Variants in ADGRL1 observed in about 807,000 individuals in gnomAD.
ADGRL1 encodes the protein CIRL-1.
Under a neutral mutation model 148.9 loss-of-function variants are expected in ADGRL1, and 31 were observed. The ratio of observed to expected loss-of-function variants is 0.21; its 90% confidence interval spans 0.16 to 0.28. The LOEUF (loss-of-function observed/expected upper bound fraction) is 0.28, where lower values mean the gene tolerates loss of function less well. ADGRL1 is among the 10% of genes least tolerant of loss of function. The pLI, the probability that ADGRL1 is intolerant of heterozygous loss-of-function variation, is 1.00. For missense variants in ADGRL1, 1,521 were observed against 2,058.8 expected (o/e 0.74, Z 5.05); for synonymous variants, 937 against 900.3 (o/e 1.04, Z -0.73).
chr19:14,150,963 A>C lies in ADGRL1; in HGVS notation c.4320T>G (p.Arg1440=). 1 of 1,602,206 alleles carries C rather than the reference A, an allele frequency of 6.2e-7. No homozygotes were observed. The highest frequency in any genetic ancestry group is 8.5e-7 in the Non-Finnish European group (1 of 1,175,318). Residue 1440 remains arginine (R), a synonymous_variant, in exon 23 of 23, where the codon CGT becomes CGG. Coordinates refer to ENST00000361434, the MANE Select transcript of ADGRL1 (RefSeq NM_014921.5). Reference sequence around the variant, plus strand: ...CTGCCAGGTAGCCCTCGTGGCTAGGACGCCGCACCTGGTAGTAGCCCTGCA... The same window carrying C: ...CTGCCAGGTAGCCCTCGTGGCTAGGCCGCCGCACCTGGTAGTAGCCCTGCA... The part of the protein sequence containing the change: ...NPLQGYYQVR[R]PSHEGYLAAP...
At chr19:14,201,526 C>A (rs1436299053) in intron 1 of ADGRL1, among the ~76,000 whole-genome samples, 1 of 151,872 alleles carries the variant, frequency 6.6e-6, no homozygotes, top group Non-Finnish European at 1.5e-5. Flanking sequence ...AAGCCATCCT[C>A]CCACCTCAGC....
intron 1 of ADGRL1, among the ~76,000 whole-genome samples, chr19:14,204,994 G>A (rs529282941): frequency 7.2e-5 from 11 of 152,100 alleles, no homozygotes; most frequent in Non-Finnish European, 1.6e-4. Context: ...GGTACAGTGA[G>A]GTGTTGGCCA....
At chr19:14,200,162 T>C (rs899232538) in intron 1 of ADGRL1, among the ~76,000 whole-genome samples, 3 of 152,228 alleles carry the variant, frequency 2.0e-5, no homozygotes, top group African/African-American at 7.2e-5. Flanking sequence ...AAGAGCATCC[T>C]GGGCAGGGTC....
At chr19:14,182,360 T>A (rs1205107290) in intron 2 of ADGRL1, among the ~76,000 whole-genome samples, 1 of 151,950 alleles carries the variant, frequency 6.6e-6, no homozygotes, top group Admixed American at 6.5e-5. Context: ...CCCTGCGGGG[T>A]GCTGGAGGGC....
At position 14,159,619 on chromosome 19, in the gene ADGRL1, C is replaced by A; in HGVS notation, c.1840-35G>T. 2 of 1,594,242 alleles carry A rather than the reference C, an allele frequency of 1.3e-6. No homozygotes were observed. Among genetic ancestry groups the A allele is most frequent in the African/African-American group, 1.3e-5 (1 of 74,710 alleles). ...CAGAGGGCATGGTGCTGTGAGCCCC[C>A]CAACACCCTCTAATTCCTGGGGGTG... On this transcript the variant is annotated intron_variant, in intron 9 of 22. Transcript: ENST00000361434. The surrounding 1 kb of genome is among the most constrained non-coding windows in gnomAD (Gnocchi z 6.0).
chr19:14,170,932 T>C (rs1970418654), intron 3 of ADGRL1, 141 bp from the exon 4 acceptor site: 2 of 601,562 alleles, frequency 3.3e-6, no homozygotes, highest in Non-Finnish European at 3.0e-6. Context: ...GTGATATAGT[T>C]TGGATCTGTG....
At chr19:14,180,962 G>A (rs1458226566) in intron 2 of ADGRL1, among the ~76,000 whole-genome samples, 1 of 151,906 alleles carries the variant, frequency 6.6e-6, no homozygotes, top group African/African-American at 2.4e-5. Context: ...GCAGGAGAAT[G>A]GTGTGAACCT....
chr19:14,184,461 CT>C, intron 1 of ADGRL1, among the ~76,000 whole-genome samples: 1 of 151,378 alleles, frequency 6.6e-6, no homozygotes, highest in Non-Finnish European at 1.5e-5. Flanking sequence ...GAAACCAGGT[CT>C]CACTCTGTTG....
chr19:14,166,796 A>G (rs1488097661), intron 4 of ADGRL1, among the ~76,000 whole-genome samples: 2 of 152,156 alleles, frequency 1.3e-5, no homozygotes, highest in African/African-American at 4.8e-5. Context: ...ATCCTGCCCA[A>G]GCTCAGAGAG....
intron 4 of ADGRL1, among the ~76,000 whole-genome samples, chr19:14,167,999 C>A (rs540303308): frequency 1.3e-5 from 2 of 152,164 alleles, no homozygotes; most frequent in Admixed American, 1.3e-4. Flanking sequence ...CAGCATTAGT[C>A]GGGCTTGTCC....
In ADGRL1 at chr19:14,156,201, C is replaced by CCTGGGGGCGGGACAAGGGGCAGG; in HGVS notation, c.3034-23_3034-1dup (p.Val1012ProfsTer16). 6.2e-7 allele frequency: 1 copy of CCTGGGGGCGGGACAAGGGGCAGG among 1,611,296 alleles called. No homozygotes were observed. The highest frequency in any genetic ancestry group is 1.1e-5 in the South Asian group (1 of 90,242). ...GTCACCATGAGGAACACCAGGTTGA[C>CCTGGGGGCGGGACAAGGGGCAGG]CTGGGGGCGGGACAAGGGGCAGGCT... is the stretch of plus-strand genomic sequence containing the variant. On this transcript the variant is annotated frameshift_variant and splice_region_variant. Transcript: ENST00000361434. LOFTEE classifies it high-confidence loss of function.
rs146849618 is a variant in ADGRL1 at position 14,174,325 on chromosome 19, G to C, written c.284+3206C>G. Among the ~76,000 whole-genome samples the C allele has an allele frequency of 6.7e-3, 1,016 of 152,286 alleles. 18 individuals carry two copies. Among genetic ancestry groups the C allele is most frequent in the African/African-American group, 0.024 (977 of 41,560 alleles). ...TGCCTATGCAGGGCACCCTCGGCAG[G>C]GGTGTCAGGGGACAGGAAGCGGGGA... On this transcript the variant is annotated intron_variant, in intron 3 of 22. Coordinates refer to ENST00000361434, the MANE Select transcript of ADGRL1 (RefSeq NM_014921.5).
In ADGRL1 at chr19:14,151,365, T is replaced by G; in HGVS notation, c.3918A>C (p.Pro1306=). 1.9e-6 allele frequency: 3 copies of G among 1,599,714 alleles called. No homozygotes were observed. The highest frequency in any genetic ancestry group is 2.6e-6 in the Non-Finnish European group (3 of 1,174,226). Residue 1306 remains proline (P), a synonymous_variant, in exon 23 of 23, where the codon CCA becomes CCC. Coordinates refer to ENST00000361434, the MANE Select transcript of ADGRL1 (RefSeq NM_014921.5). ...KGPPPPEPPV[P]PVPGGGGEEE... ...CCTCGCCCCCGCCCCCTGGCACAGGTGGCACAGGGGGCTCAGGCGGTGGAG... is the reference window on the plus strand; with the variant it reads ...CCTCGCCCCCGCCCCCTGGCACAGGGGGCACAGGGGGCTCAGGCGGTGGAG...
intron 1 of ADGRL1, among the ~76,000 whole-genome samples, chr19:14,203,818 G>A (rs1266070646): frequency 3.4e-5 from 2 of 59,574 alleles, no homozygotes; most frequent in Non-Finnish European, 5.6e-5. Flanking sequence ...TGATCACGGG[G>A]TACGCAAGCG....
chr19:14,167,078 AT>A, intron 4 of ADGRL1: 1 of 1,504,010 alleles, frequency 6.6e-7, no homozygotes, highest in African/African-American at 1.4e-5. Flanking sequence ...GAAAAAAAAA[AT>A]GTGCAAGAAA....
chr19:14,162,861 A>C lies in ADGRL1; in HGVS notation c.940T>G (p.Phe314Val). ...ACGTACAGGACCCCACACACCATGA[A>C]GGCGTTGGATGCCGAGCGCTTGTCG... ...GYDKRSASNA[F>V]MVCGVLYVLR... The change falls in exon 5 of 23, where the codon TTC becomes GTC. Residue 314 changes from phenylalanine (F) to valine (V), a missense_variant. This residue lies in a region of ADGRL1 where 334 missense variants were observed against 512.5 expected (regional missense o/e 0.65). Coordinates refer to ENST00000361434, the MANE Select transcript of ADGRL1 (RefSeq NM_014921.5). This position sits in a 1 kb window ranked among gnomAD's most constrained non-coding sequence, Gnocchi z 5.4. 1 of 1,614,014 alleles carries C rather than the reference A, an allele frequency of 6.2e-7. No homozygotes were observed. The highest frequency in any genetic ancestry group is 8.5e-7 in the Non-Finnish European group (1 of 1,179,990).
intron 4 of ADGRL1, chr19:14,170,356 G>A (rs906083564): frequency 4.7e-6 from 1 of 211,464 alleles, no homozygotes; most frequent in East Asian, 1.2e-4. Flanking sequence ...ACGTAAGTGT[G>A]CCAGGCAGAG....
intron 3 of ADGRL1, among the ~76,000 whole-genome samples, chr19:14,175,884 G>A (rs1366303312): frequency 6.6e-6 from 1 of 152,070 alleles, no homozygotes. Flanking sequence ...GTAAAACCCT[G>A]TCTGTACAAA....
chr19:14,160,574 G>C lies in ADGRL1; in HGVS notation c.1614+19C>G. 7 of 1,562,998 alleles carry C rather than the reference G, an allele frequency of 4.5e-6. No homozygotes were observed. Among genetic ancestry groups the C allele is most frequent in the Non-Finnish European group, 6.1e-6 (7 of 1,147,822 alleles). ...GGCCCGAGCACATGTGCCTGCCTGCGAGGGGTGGTGGCTGGTACCTTCTGG... is the reference window on the plus strand; with the variant it reads ...GGCCCGAGCACATGTGCCTGCCTGCCAGGGGTGGTGGCTGGTACCTTCTGG... On this transcript the variant is annotated intron_variant, in intron 7 of 22. Coordinates refer to ENST00000361434, the MANE Select transcript of ADGRL1 (RefSeq NM_014921.5). The surrounding 1 kb of genome is among the most constrained non-coding windows in gnomAD (Gnocchi z 5.9).
Sources: gnomAD v4.1 joint callset for allele counts (sites outside exome capture counted in the v4.1 genomes callset) on GRCh38, gnomAD v4.1.1 for gene constraint, gnomAD v4.1.1 regional missense constraint, Gnocchi (gnomAD v3.1) non-coding constraint, MANE v1.5 for transcripts, NCBI Gene and HGNC (gene_info 2026-07-23, HGNC 2026-07-21) for gene names.